TEAD1: variants seen among roughly 807,000 people sequenced by gnomAD.
The protein encoded by TEAD1 is TEA domain transcription factor 1.
Under a neutral mutation model 54.9 loss-of-function variants are expected in TEAD1, and 9 were observed. That is an observed-to-expected ratio of 0.16 (90% CI 0.10 to 0.29). The LOEUF is 0.29. TEAD1 is among the 10% of genes least tolerant of loss of function. TEAD1 has a pLI of 1.00. For missense variants in TEAD1, 387 were observed against 535.9 expected, an observed-to-expected ratio of 0.72 and a Z score of 2.74; for synonymous variants, 200 against 187.8, an observed-to-expected ratio of 1.07 and a Z score of -0.53.
intron 2 of TEAD1, among the ~76,000 whole-genome samples, chr11:12,751,616 G>C (rs574280201): frequency 6.6e-6 from 1 of 152,328 alleles, no homozygotes; most frequent in South Asian, 2.1e-4. Context: ...GAAGGGACAG[G>C]GGTGGGAGGG....
intron 2 of TEAD1, among the ~76,000 whole-genome samples, chr11:12,761,540 A>G (rs931774904): frequency 6.6e-6 from 1 of 152,232 alleles, no homozygotes; most frequent in African/African-American, 2.4e-5. Flanking sequence ...AAAAGACAGT[A>G]TTCAGGGACA....
At chr11:12,703,635 C>T (rs966709537) in intron 2 of TEAD1, among the ~76,000 whole-genome samples, 35 of 152,280 alleles carry the variant, frequency 2.3e-4, no homozygotes, top group African/African-American at 5.3e-4. Flanking sequence ...TGAGCCCTTG[C>T]GGGATACAGG....
At chr11:12,802,128 C>T (rs1242210173) in intron 3 of TEAD1, among the ~76,000 whole-genome samples, 1 of 152,126 alleles carries the variant, frequency 6.6e-6, no homozygotes, top group East Asian at 1.9e-4. Context: ...CTAGATATAG[C>T]TCAAAGGTTA....
chr11:12,679,608 C>G (rs1156677559), intron 2 of TEAD1, among the ~76,000 whole-genome samples: 2 of 151,780 alleles, frequency 1.3e-5, no homozygotes, highest in Non-Finnish European at 2.9e-5. Context: ...CTTATATTCT[C>G]TGGCATGAAC....
At chr11:12,866,140 T>C (rs1382792795) in intron 5 of TEAD1, among the ~76,000 whole-genome samples, 2 of 152,316 alleles carry the variant, frequency 1.3e-5, no homozygotes, top group African/African-American at 4.8e-5. Context: ...GGCTGAGCAG[T>C]TGGAAGACTA....
chr11:12,899,442 C>T (rs1948381526), intron 9 of TEAD1, among the ~76,000 whole-genome samples: 1 of 152,082 alleles, frequency 6.6e-6, no homozygotes, highest in Admixed American at 6.5e-5. Flanking sequence ...CTAGAAGCTT[C>T]TTAGCAGCTG....
chr11:12,752,967 G>A (rs1472466412), intron 2 of TEAD1, among the ~76,000 whole-genome samples: 1 of 151,654 alleles, frequency 6.6e-6, no homozygotes, highest in East Asian at 1.9e-4. Flanking sequence ...AGCCTCTGGG[G>A]TAGCTGGGAC....
At chr11:12,925,484 C>T (rs777231427) in intron 11 of TEAD1, among the ~76,000 whole-genome samples, 2 of 152,158 alleles carry the variant, frequency 1.3e-5, no homozygotes, top group Non-Finnish European at 2.9e-5. Context: ...GATTACGATT[C>T]GAGTTGAGAT....
intron 9 of TEAD1, among the ~76,000 whole-genome samples, chr11:12,891,370 A>C (rs1948194206): frequency 6.6e-6 from 1 of 152,230 alleles, no homozygotes; most frequent in Admixed American, 6.5e-5. Flanking sequence ...GGAGGAAACT[A>C]TACTGTTGGC....
intron 10 of TEAD1, among the ~76,000 whole-genome samples, chr11:12,915,115 C>T (rs1032761420): frequency 6.6e-6 from 1 of 152,302 alleles, no homozygotes; most frequent in East Asian, 1.9e-4. Flanking sequence ...CTCTTCCAAG[C>T]CCTCTGGATA....
chr11:12,721,102 TC>T (rs1236426050), intron 2 of TEAD1, among the ~76,000 whole-genome samples: 1 of 152,252 alleles, frequency 6.6e-6, no homozygotes, highest in African/African-American at 2.4e-5. Flanking sequence ...GTCCAGACTC[TC>T]ACTTACTGCC....
intron 3 of TEAD1, among the ~76,000 whole-genome samples, chr11:12,839,137 A>G (rs1564958825): frequency 6.6e-6 from 1 of 151,756 alleles, no homozygotes; most frequent in Non-Finnish European, 1.5e-5. Context: ...GGAGCCGGGC[A>G]TGGTGGCTTA....
intron 3 of TEAD1, among the ~76,000 whole-genome samples, chr11:12,792,206 C>T (rs1461501213): frequency 6.6e-6 from 1 of 152,036 alleles, no homozygotes; most frequent in African/African-American, 2.4e-5. Flanking sequence ...GGAGATTTCC[C>T]TCAAGCTGTG....
intron 3 of TEAD1, among the ~76,000 whole-genome samples, chr11:12,776,951 T>C (rs1945435935): frequency 6.6e-6 from 1 of 151,912 alleles, no homozygotes; most frequent in African/African-American, 2.4e-5. Flanking sequence ...TGCACCACCA[T>C]GCTCGGCTAA....
At chr11:12,785,313 C>T (rs1945654971) in intron 3 of TEAD1, among the ~76,000 whole-genome samples, 1 of 152,162 alleles carries the variant, frequency 6.6e-6, no homozygotes, top group African/African-American at 2.4e-5. Flanking sequence ...CCCAGAGATG[C>T]CCTTTTCCCG....
intron 3 of TEAD1, among the ~76,000 whole-genome samples, chr11:12,861,984 C>CTTT (rs72145575): frequency 8.0e-5 from 10 of 124,366 alleles, no homozygotes; most frequent in South Asian, 7.8e-4. Flanking sequence ...GAAACTCTGT[C>CTTT]TTTTTTTTTT....
chr11:12,839,674 G>A (rs1170207056), intron 3 of TEAD1, among the ~76,000 whole-genome samples: 2 of 152,284 alleles, frequency 1.3e-5, no homozygotes, highest in African/African-American at 4.8e-5. Flanking sequence ...GGTTATCAGA[G>A]CAGGTTCAGA....
chr11:12,858,875 A>G (rs1947443910), intron 3 of TEAD1, among the ~76,000 whole-genome samples: 1 of 152,238 alleles, frequency 6.6e-6, no homozygotes, highest in South Asian at 2.1e-4. Context: ...AAGTGTACTT[A>G]CACAAACCTA....
chr11:12,735,007 A>C (rs1455668166), intron 2 of TEAD1, among the ~76,000 whole-genome samples: 1 of 152,228 alleles, frequency 6.6e-6, no homozygotes. Context: ...TTTTGTGTTG[A>C]TCAAGTGTTA....
Sources: gnomAD v4.1 joint callset for allele counts (sites outside exome capture counted in the v4.1 genomes callset) on GRCh38, gnomAD v4.1.1 for gene constraint, MANE v1.5 for transcripts, NCBI Gene and HGNC (gene_info 2026-07-23, HGNC 2026-07-21) for gene names.